ABLIM2: variants seen among roughly 807,000 people sequenced by gnomAD.
ABLIM2 encodes the protein actin-binding LIM protein 2.
In ABLIM2, 53 loss-of-function variants were observed where a neutral mutation model predicts 97.7. The ratio of observed to expected loss-of-function variants is 0.54; its 90% CI spans 0.44 to 0.68. The LOEUF (loss-of-function observed/expected upper bound fraction) is 0.68. Among genes scored for constraint, ABLIM2 ranks in the 30% least tolerant of loss-of-function variants. ABLIM2 has a pLI of 0.00. For missense variants in ABLIM2, 835 were observed against 867.2 expected (o/e 0.96, Z 0.47); for synonymous variants, 361 against 345.8 (o/e 1.04, Z -0.49).
chr4:8,051,518 C>CT (rs1796026956), intron 8 of ABLIM2, among the ~76,000 whole-genome samples: 1 of 142,804 alleles, frequency 7.0e-6, no homozygotes. Flanking sequence ...GATCACGCCA[C>CT]TGGCCACTGC....
At chr4:8,094,904 C>T (rs1395180367) in intron 3 of ABLIM2, among the ~76,000 whole-genome samples, 1 of 150,974 alleles carries the variant, frequency 6.6e-6, no homozygotes. Flanking sequence ...AATTCCTTCC[C>T]TCCCTCCCTC....
intron 13 of ABLIM2, 43 bp downstream of exon 13, chr4:8,020,159 A>T: frequency 6.4e-7 from 1 of 1,571,248 alleles, no homozygotes; most frequent in African/African-American, 1.3e-5. Flanking sequence ...CGGTGTGGAC[A>T]GTTTCAGTGT....
intron 2 of ABLIM2, among the ~76,000 whole-genome samples, chr4:8,100,613 G>A (rs1235517301): frequency 2.0e-5 from 3 of 152,048 alleles, no homozygotes; most frequent in Non-Finnish European, 4.4e-5. Flanking sequence ...GGGTGTGGTG[G>A]TGCATGCCTA....
At chr4:8,056,864 G>A (rs1799520035) in intron 7 of ABLIM2, among the ~76,000 whole-genome samples, 3 of 148,944 alleles carry the variant, frequency 2.0e-5, no homozygotes, top group South Asian at 2.1e-4. Context: ...CTCGGGAGGC[G>A]GAGCTTGCAG....
intron 14 of ABLIM2, chr4:8,010,776 C>T (rs575081236): frequency 1.6e-4 from 30 of 184,462 alleles, no homozygotes; most frequent in Middle Eastern, 2.9e-3. Context: ...CTCCGGGGGA[C>T]GCATGCCCGC....
intron 1 of ABLIM2, among the ~76,000 whole-genome samples, chr4:8,107,154 C>G (rs1253900908): frequency 1.3e-5 from 2 of 152,242 alleles, no homozygotes; most frequent in African/African-American, 4.8e-5. Context: ...GGTCCTGGGA[C>G]ATGGAGCTGA....
chr4:8,060,656 G>C (rs1802383645), intron 7 of ABLIM2, among the ~76,000 whole-genome samples: 1 of 152,242 alleles, frequency 6.6e-6, no homozygotes, highest in Non-Finnish European at 1.5e-5. Context: ...GATGTGATCA[G>C]GCCGTATTTG....
rs1286891880 is a variant in ABLIM2, at chr4:7,992,083, G to A, written c.1680+783C>T. Among the ~76,000 whole-genome samples, 1 of 152,170 alleles carries A rather than the reference G, an allele frequency of 6.6e-6. No individual in the cohort carries two copies. The highest frequency in any genetic ancestry group is 1.5e-5 in the Non-Finnish European group (1 of 68,026). ...GGGGAGACCCCTGGGCTGTGTGTGTGTGTCTGTGTGTTGGGGGGTCTGGGA... is the reference window on the plus strand; with the variant it reads ...GGGGAGACCCCTGGGCTGTGTGTGTATGTCTGTGTGTTGGGGGGTCTGGGA... On this transcript the variant is annotated intron_variant, in intron 17 of 20. Coordinates refer to ENST00000447017, the MANE Select transcript of ABLIM2 (RefSeq NM_001130083.2). The surrounding 1 kb of genome is among the most constrained non-coding windows in gnomAD (Gnocchi z 5.7).
rs1714842574 is a variant in ABLIM2, at chr4:8,155,009, G to A, written c.10+3671C>T. ...TCGCCAGCCTTAATCACCACCATGA[G>A]AACAGTATGGGGGAAACCACCCCTG... On this transcript the variant is annotated intron_variant, in intron 1 of 20. Transcript: ENST00000447017. The surrounding 1 kb of genome is among the most constrained non-coding windows in gnomAD (Gnocchi z 4.2). 6.6e-6 allele frequency among the ~76,000 whole-genome samples: 1 copy of A among 152,196 alleles called. No individual in the cohort carries two copies. Among genetic ancestry groups the A allele is most frequent in the African/African-American group, 2.4e-5 (1 of 41,434 alleles).
Position 8,017,298 on chromosome 4 carries a change from A to AT in ABLIM2, c.1423+2319dup, listed in dbSNP as rs1360303173. Among the ~76,000 whole-genome samples the AT allele has an allele frequency of 4.6e-4, 67 of 145,420 alleles. 1 individual carries two copies. Among genetic ancestry groups the AT allele is most frequent in the Admixed American group, 2.2e-3 (32 of 14,386 alleles). On this transcript the variant is annotated intron_variant, in intron 14 of 20. Coordinates refer to ENST00000447017, the MANE Select transcript of ABLIM2 (RefSeq NM_001130083.2). ...TTCCCTATTTATTATTATTATTATT[A>AT]TTATTTTTTTTTTTCAGAGAGAGTC... is the stretch of plus-strand genomic sequence containing the variant.
chr4:7,985,439 T>G (rs888819015), intron 17 of ABLIM2, among the ~76,000 whole-genome samples: 6 of 152,146 alleles, frequency 3.9e-5, no homozygotes, highest in Non-Finnish European at 5.9e-5. Context: ...GAAGACTGGC[T>G]GCCGTCTTCT....
At position 8,149,369 on chromosome 4, in the gene ABLIM2, T is replaced by C. The variant is rs927024018; in HGVS notation, c.10+9311A>G. Among the ~76,000 whole-genome samples the C allele has an allele frequency of 1.3e-5, 2 of 152,068 alleles. No individual in the cohort carries two copies. ...AGGACATGGGCACCTTTGAGTCCAC[T>C]GTTCAGCCCCCCAACACCATCCAAG... On this transcript the variant is annotated intron_variant, in intron 1 of 20. Transcript: ENST00000447017. The surrounding 1 kb of genome is among the most constrained non-coding windows in gnomAD (Gnocchi z 6.4).
At chr4:8,092,024 G>T (rs1353860243) in intron 3 of ABLIM2, among the ~76,000 whole-genome samples, 1 of 143,730 alleles carries the variant, frequency 7.0e-6, no homozygotes, top group African/African-American at 2.6e-5. Context: ...TTGAGACAGA[G>T]TCTTGCTCTG....
At chr4:8,030,922 G>C (rs1780550613) in intron 10 of ABLIM2, among the ~76,000 whole-genome samples, 1 of 152,116 alleles carries the variant, frequency 6.6e-6, no homozygotes, top group African/African-American at 2.4e-5. Flanking sequence ...TCTTCCAGCA[G>C]AACAGCACCA....
intron 9 of ABLIM2, among the ~76,000 whole-genome samples, chr4:8,042,303 G>A (rs1386063524): frequency 6.6e-6 from 1 of 152,188 alleles, no homozygotes; most frequent in Non-Finnish European, 1.5e-5. Context: ...AGAAACATGA[G>A]TCTAACCTTT....
chr4:7,966,924 G>A lies in ABLIM2; in HGVS notation c.*66C>T. 1.2e-5 allele frequency: 13 copies of A among 1,076,392 alleles called. No homozygotes were observed. The highest frequency in any genetic ancestry group is 1.8e-5 in the Non-Finnish European group (13 of 715,820). 66.7% of individuals were successfully genotyped at this position (1,076,392 alleles called of 1,614,324 possible). A position where few individuals can be genotyped will look rare whatever the true frequency, so the allele number is the denominator to read the frequency against. ...AGCAAGGTGTGTGGGAGGGGTGTGT[G>A]CGGTTCTCGCCAGGGGCCCCTGGCC... is the stretch of plus-strand genomic sequence containing the variant. On this transcript the variant is annotated 3_prime_UTR_variant, in exon 21 of 21. Transcript: ENST00000447017.
rs1773363724 is a variant in ABLIM2, at chr4:8,021,075, T to C, written c.1268-772A>G. On this transcript the variant is annotated intron_variant, in intron 12 of 20. Transcript: ENST00000447017. The surrounding 1 kb of genome is among the most constrained non-coding windows in gnomAD (Gnocchi z 5.5). ...TTTGCCACGTTGCCCTGGCTGGTCT[T>C]GAACTCCTGGGCTCAAGCAATCTGC... 6.6e-6 allele frequency among the ~76,000 whole-genome samples: 1 copy of C among 151,940 alleles called. No homozygotes were observed. Among genetic ancestry groups the C allele is most frequent in the Non-Finnish European group, 1.5e-5 (1 of 67,982 alleles).
intron 17 of ABLIM2, among the ~76,000 whole-genome samples, chr4:7,988,271 C>A (rs1419178110): frequency 6.6e-6 from 1 of 152,190 alleles, no homozygotes; most frequent in Admixed American, 6.5e-5. Flanking sequence ...GATCTGCCCG[C>A]CTTGGCCTCC....
chr4:8,157,553 T>C (rs770782175), intron 1 of ABLIM2, among the ~76,000 whole-genome samples: 1 of 152,132 alleles, frequency 6.6e-6, no homozygotes, highest in African/African-American at 2.4e-5. Context: ...GGAGACAATC[T>C]CCCCAGGGAG....
Sources: allele counts gnomAD v4.1 joint callset (sites outside exome capture counted in the v4.1 genomes callset), GRCh38; gene constraint gnomAD v4.1.1; non-coding constraint Gnocchi (gnomAD v3.1); transcripts MANE v1.5; gene names NCBI Gene and HGNC (gene_info 2026-07-23, HGNC 2026-07-21).